The following TTC39B variants were observed in gnomAD, a reference collection of about 807,000 sequenced individuals.
TTC39B encodes tetratricopeptide repeat domain 39B, also known as tetratricopeptide repeat protein 39B.
In TTC39B, 92 loss-of-function variants were observed where a neutral mutation model predicts 96.6. That is an observed-to-expected ratio of 0.95 (90% CI 0.80 to 1.13). The LOEUF (loss-of-function observed/expected upper bound fraction) is 1.13, where lower values mean the gene tolerates loss of function less well. Ranked by LOEUF, TTC39B falls within the 50% of genes most tolerant of loss-of-function variation. The pLI is 0.00. For missense variants in TTC39B, 955 were observed against 809.3 expected, an observed-to-expected ratio of 1.18 and a Z score of -2.18; for synonymous variants, 367 against 299.4, an observed-to-expected ratio of 1.23 and a Z score of -2.33.
At chr9:15,206,080 C>A (rs1819833394) in intron 6 of TTC39B, among the ~76,000 whole-genome samples, 1 of 152,116 alleles carries the variant, frequency 6.6e-6, no homozygotes, top group Non-Finnish European at 1.5e-5. Context: ...TTAAGAGCAG[C>A]ATGGGGATGT....
intron 2 of TTC39B, among the ~76,000 whole-genome samples, chr9:15,242,427 C>A (rs543479092): frequency 1.3e-5 from 2 of 151,930 alleles, no homozygotes; most frequent in African/African-American, 4.8e-5. Context: ...ACAAAAAATA[C>A]GAAAAATCAG....
chr9:15,214,026 T>G lies in TTC39B; in HGVS notation c.482+113A>C, dbSNP rs942219967. 1.6e-5 allele frequency: 12 copies of G among 743,386 alleles called. 1 individual carries two copies. The highest frequency in any genetic ancestry group is 1.1e-4 in the African/African-American group (6 of 56,460). 46.0% of individuals were successfully genotyped at this position (743,386 alleles called of 1,614,324 possible). ...CCAAAGTAAAGAGGTCTGAACTAAA[T>G]TAGCTTATCAATATTCAGATGGGAA... On this transcript the variant is annotated intron_variant, in intron 4 of 19. Transcript: ENST00000512701.
chr9:15,252,996 T>C (rs2131512420), intron 2 of TTC39B, among the ~76,000 whole-genome samples: 1 of 152,352 alleles, frequency 6.6e-6, no homozygotes, highest in Admixed American at 6.5e-5. Flanking sequence ...TACCCTGTAA[T>C]CTCAACACAC....
At chr9:15,225,051 C>A (rs986941353) in intron 3 of TTC39B, among the ~76,000 whole-genome samples, 1 of 152,118 alleles carries the variant, frequency 6.6e-6, no homozygotes, top group African/African-American at 2.4e-5. Context: ...TGTACTAGAA[C>A]AGCTTTAACA....
At position 15,177,819 on chromosome 9, in the gene TTC39B, A is replaced by G; in HGVS notation, c.1724-5T>C. 1 of 1,543,398 alleles carries G rather than the reference A, an allele frequency of 6.5e-7. No individual in the cohort carries two copies. The highest frequency in any genetic ancestry group is 8.8e-7 in the Non-Finnish European group (1 of 1,132,970). ...CCACAGAGAAGCTGTTAAAATCTTA[A>G]AACAAAAAACATACAAAGAAAACAC... is the stretch of plus-strand genomic sequence containing the variant. On this transcript the variant is annotated splice_polypyrimidine_tract_variant and splice_region_variant and intron_variant, in intron 17 of 19. Transcript: ENST00000512701.
chr9:15,299,704 A>C (rs1824515783), intron 1 of TTC39B, among the ~76,000 whole-genome samples: 1 of 152,220 alleles, frequency 6.6e-6, no homozygotes, highest in Non-Finnish European at 1.5e-5. Context: ...TGGGGCATCC[A>C]AGACTGGAGA....
At chr9:15,278,280 C>G (rs568919704) in intron 1 of TTC39B, among the ~76,000 whole-genome samples, 1 of 152,160 alleles carries the variant, frequency 6.6e-6, no homozygotes, top group Non-Finnish European at 1.5e-5. Flanking sequence ...ACTCACAGTT[C>G]TGGACATAAC....
chr9:15,298,941 C>T (rs531761295), intron 1 of TTC39B, among the ~76,000 whole-genome samples: 1 of 152,246 alleles, frequency 6.6e-6, no homozygotes, highest in African/African-American at 2.4e-5. Context: ...CCATGGCTAA[C>T]CCCTACTCAT....
chr9:15,265,997 G>C (rs1196935919), intron 2 of TTC39B, among the ~76,000 whole-genome samples: 1 of 152,220 alleles, frequency 6.6e-6, no homozygotes, highest in Non-Finnish European at 1.5e-5. Context: ...GGTATCTTGG[G>C]TGGGATGCTG....
intron 2 of TTC39B, among the ~76,000 whole-genome samples, chr9:15,254,341 G>A (rs1317802905): frequency 6.6e-6 from 1 of 151,738 alleles, no homozygotes; most frequent in Non-Finnish European, 1.5e-5. Context: ...ATAGTTTAAG[G>A]TAGCCATTGT....
At chr9:15,291,799 G>A (rs1824199062) in intron 1 of TTC39B, among the ~76,000 whole-genome samples, 1 of 152,162 alleles carries the variant, frequency 6.6e-6, no homozygotes, top group African/African-American at 2.4e-5. Flanking sequence ...CAGATTTGTG[G>A]TATCTGTTCC....
intron 3 of TTC39B, among the ~76,000 whole-genome samples, chr9:15,215,634 G>A (rs1212564460): frequency 6.6e-6 from 1 of 150,494 alleles, no homozygotes; most frequent in Admixed American, 6.6e-5. Context: ...GAGGCAGGTG[G>A]ATCATTTGAG....
chr9:15,286,819 C>G (rs1823989950), intron 1 of TTC39B, among the ~76,000 whole-genome samples: 1 of 152,182 alleles, frequency 6.6e-6, no homozygotes, highest in African/African-American at 2.4e-5. Context: ...CATCCATATG[C>G]ACTCAAGGAT....
At chr9:15,243,669 G>C (rs1042999574) in intron 2 of TTC39B, among the ~76,000 whole-genome samples, 1 of 152,184 alleles carries the variant, frequency 6.6e-6, no homozygotes, top group Non-Finnish European at 1.5e-5. Context: ...CAGTGTTTTG[G>C]GAGGCTGAGG....
exon 20 of TTC39B, chr9:15,171,985 T>C (rs750861705): frequency 1.3e-6 from 2 of 1,520,696 alleles, no homozygotes; most frequent in Non-Finnish European, 1.8e-6. Context: ...ATGCCGATGC[T>C]AATTGAGGAA....
intron 1 of TTC39B, among the ~76,000 whole-genome samples, chr9:15,275,912 C>T (rs1823526946): frequency 6.6e-6 from 1 of 152,090 alleles, no homozygotes; most frequent in Non-Finnish European, 1.5e-5. Context: ...CCTTTAAGAT[C>T]TTTTTTTGAA....
At chr9:15,240,148 A>C (rs368517473) in intron 2 of TTC39B, among the ~76,000 whole-genome samples, 2 of 152,238 alleles carry the variant, frequency 1.3e-5, no homozygotes, top group South Asian at 2.1e-4. Context: ...AGAAGAGCCC[A>C]AAAATAAAAA....
chr9:15,209,855 CA>C (rs757095465), intron 6 of TTC39B, among the ~76,000 whole-genome samples: 8 of 151,902 alleles, frequency 5.3e-5, no homozygotes, highest in Admixed American at 2.0e-4. Context: ...AAAAAATGAA[CA>C]ATCCATGAGC....
rs547768056 is a variant in TTC39B at position 15,203,072 on chromosome 9, C to A, written c.759+751G>T. 2.6e-5 allele frequency among the ~76,000 whole-genome samples: 4 copies of A among 152,274 alleles called. No homozygotes were observed. The East Asian group carries it at 7.7e-4, about 29-fold the overall frequency. The stretch of plus-strand genomic sequence containing the variant: ...AAAAATAAAATTTGAAGTATACATG[C>A]TATGCATGCATAACTGAACTTGACT... On this transcript the variant is annotated intron_variant, in intron 7 of 19. Transcript: ENST00000512701.
Sources: gnomAD v4.1 joint callset for allele counts (sites outside exome capture counted in the v4.1 genomes callset) on GRCh38, gnomAD v4.1.1 for gene constraint, MANE v1.5 for transcripts, NCBI Gene and HGNC (gene_info 2026-07-23, HGNC 2026-07-21) for gene names.